Variants in PLCXD3 observed in about 807,000 individuals in gnomAD.
The protein encoded by PLCXD3 is PI-PLC X domain-containing protein 3.
Under a neutral mutation model 25.5 loss-of-function variants are expected in PLCXD3, and 19 were observed. That is an observed-to-expected ratio of 0.75 (90% CI 0.52 to 1.09). The LOEUF is 1.09. Among genes scored for constraint, PLCXD3 ranks in the 50% least tolerant of loss-of-function variants. The pLI, the probability that PLCXD3 is intolerant of heterozygous loss-of-function variation, is 0.00. For missense variants in PLCXD3, 411 were observed against 388.1 expected (o/e 1.06, Z -0.50); for synonymous variants, 174 against 137.6 (o/e 1.26, Z -1.85).
At chr5:41,377,750 G>A (rs1435322206) in intron 2 of PLCXD3, among the ~76,000 whole-genome samples, 2 of 152,016 alleles carry the variant, frequency 1.3e-5, no homozygotes, top group African/African-American at 2.4e-5. Context: ...AACTTCAAAC[G>A]CTGTTTTCTA....
chr5:41,486,594 T>G (rs1027951090), intron 1 of PLCXD3, among the ~76,000 whole-genome samples: 9 of 152,076 alleles, frequency 5.9e-5, no homozygotes, highest in African/African-American at 2.2e-4. Context: ...AGACAGAAAA[T>G]TTGAGAGTCT....
At chr5:41,485,992 G>A (rs1748509550) in intron 1 of PLCXD3, among the ~76,000 whole-genome samples, 1 of 152,212 alleles carries the variant, frequency 6.6e-6, no homozygotes, top group African/African-American at 2.4e-5. Flanking sequence ...TTGTAACAAC[G>A]GGAAGTTTTC....
intron 1 of PLCXD3, among the ~76,000 whole-genome samples, chr5:41,493,504 GT>G (rs1748755095): frequency 1.3e-5 from 2 of 152,250 alleles, no homozygotes; most frequent in Admixed American, 1.3e-4. Flanking sequence ...GGTTACTGCT[GT>G]CTTTTTGTTT....
At position 41,313,500 on chromosome 5, in the gene PLCXD3, C is replaced by T. The variant is rs1356331013; in HGVS notation, c.*117G>A. 1.6e-6 allele frequency: 2 copies of T among 1,216,530 alleles called. No homozygotes were observed. The highest frequency in any genetic ancestry group is 2.3e-6 in the Non-Finnish European group (2 of 857,092). 75.4% of individuals were successfully genotyped at this position (1,216,530 alleles called of 1,614,324 possible). A position where few individuals can be genotyped will look rare whatever the true frequency, so the allele number is the denominator to read the frequency against. On this transcript the variant is annotated 3_prime_UTR_variant, in exon 3 of 3. Coordinates refer to ENST00000377801, the MANE Select transcript of PLCXD3 (RefSeq NM_001005473.3). ...GTTTTTCCCCTTTTCCCACCCACTA[C>T]CAGCCCTATTCCCTTCAGAGACTCA... is the stretch of plus-strand genomic sequence containing the variant.
intron 1 of PLCXD3, among the ~76,000 whole-genome samples, chr5:41,392,577 C>T (rs1185920351): frequency 3.9e-5 from 6 of 152,040 alleles, no homozygotes; most frequent in African/African-American, 1.4e-4. Flanking sequence ...GGAAAACCTT[C>T]CCAAAAAAGA....
At chr5:41,332,707 A>G (rs900979670) in intron 2 of PLCXD3, among the ~76,000 whole-genome samples, 2 of 152,166 alleles carry the variant, frequency 1.3e-5, no homozygotes, top group African/African-American at 4.8e-5. Flanking sequence ...ATGTCCAACA[A>G]TGATAGACTG....
chr5:41,432,003 G>T (rs763203634), intron 1 of PLCXD3, among the ~76,000 whole-genome samples: 10 of 152,100 alleles, frequency 6.6e-5, no homozygotes, highest in Non-Finnish European at 1.5e-4. Flanking sequence ...AGCTAGTTAG[G>T]GAATGAGAAG....
At chr5:41,480,429 T>A (rs911925653) in intron 1 of PLCXD3, among the ~76,000 whole-genome samples, 2 of 152,016 alleles carry the variant, frequency 1.3e-5, no homozygotes, top group African/African-American at 4.8e-5. Flanking sequence ...CATTTGCTTT[T>A]TTTCTCTTCT....
intron 1 of PLCXD3, among the ~76,000 whole-genome samples, chr5:41,466,869 G>C (rs1338342617): frequency 6.6e-6 from 1 of 152,060 alleles, no homozygotes; most frequent in Non-Finnish European, 1.5e-5. Context: ...CATCCATACT[G>C]TCACGAGTGA....
intron 1 of PLCXD3, among the ~76,000 whole-genome samples, chr5:41,389,188 T>C (rs1403055629): frequency 6.6e-6 from 1 of 152,018 alleles, no homozygotes; most frequent in Admixed American, 6.6e-5. Flanking sequence ...GATGTGCTGG[T>C]GATTTGAGAT....
At chr5:41,353,858 A>G (rs1381899366) in intron 2 of PLCXD3, among the ~76,000 whole-genome samples, 3 of 152,142 alleles carry the variant, frequency 2.0e-5, no homozygotes, top group Non-Finnish European at 4.4e-5. Context: ...GTGGGTATCA[A>G]TGACTCTGAA....
chr5:41,443,254 A>C (rs1242699412), intron 1 of PLCXD3, among the ~76,000 whole-genome samples: 1 of 151,926 alleles, frequency 6.6e-6, no homozygotes, highest in African/African-American at 2.4e-5. Context: ...ATACCCAAAG[A>C]CTTACCATTG....
chr5:41,488,110 T>C (rs1284347006), intron 1 of PLCXD3, among the ~76,000 whole-genome samples: 1 of 139,848 alleles, frequency 7.2e-6, no homozygotes, highest in Middle Eastern at 3.3e-3. Context: ...GAGTGTGATG[T>C]TCCCCTTCCT....
chr5:41,334,349 G>A (rs776730677), intron 2 of PLCXD3, among the ~76,000 whole-genome samples: 1 of 152,068 alleles, frequency 6.6e-6, no homozygotes, highest in Non-Finnish European at 1.5e-5. Context: ...TTACTCAAAT[G>A]TACTCCAGGG....
intron 1 of PLCXD3, among the ~76,000 whole-genome samples, chr5:41,435,088 C>G (rs997907324): frequency 1.3e-5 from 2 of 152,152 alleles, no homozygotes; most frequent in Non-Finnish European, 2.9e-5. Context: ...TTTTTCTTTG[C>G]ATACACATGT....
intron 1 of PLCXD3, among the ~76,000 whole-genome samples, chr5:41,433,323 G>C (rs1210825514): frequency 6.6e-6 from 1 of 152,160 alleles, no homozygotes; most frequent in African/African-American, 2.4e-5. Flanking sequence ...AGTTCCTAGT[G>C]CTCATAATGT....
chr5:41,440,992 CAG>C (rs760884600), intron 1 of PLCXD3, among the ~76,000 whole-genome samples: 1 of 152,234 alleles, frequency 6.6e-6, no homozygotes, highest in South Asian at 2.1e-4. Flanking sequence ...CAAAAACAGA[CAG>C]AGTGGACTTC....
intron 1 of PLCXD3, among the ~76,000 whole-genome samples, chr5:41,453,711 A>T (rs1418216623): frequency 6.6e-6 from 1 of 152,042 alleles, no homozygotes; most frequent in Non-Finnish European, 1.5e-5. Context: ...AATGGAATTT[A>T]TAAGCTTTCT....
intron 2 of PLCXD3, among the ~76,000 whole-genome samples, chr5:41,372,897 A>G (rs985550910): frequency 1.4e-4 from 22 of 151,992 alleles, no homozygotes; most frequent in Non-Finnish European, 2.9e-4. Flanking sequence ...TACAAAAATC[A>G]GCCAGGCATG....
Sources: gnomAD v4.1 joint callset for allele counts (sites outside exome capture counted in the v4.1 genomes callset) on GRCh38, gnomAD v4.1.1 for gene constraint, MANE v1.5 for transcripts, NCBI Gene and HGNC (gene_info 2026-07-23, HGNC 2026-07-21) for gene names.